VPS33B: variants seen among roughly 807,000 people sequenced by gnomAD.
VPS33B encodes the protein VPS33B late endosome and lysosome associated, also known as vacuolar protein sorting-associated protein 33B.
A neutral mutation model predicts 95.3 loss-of-function variants in VPS33B; 80 were observed. That is an observed-to-expected ratio of 0.84 (90% confidence interval 0.70 to 1.01). The LOEUF is 1.01. Among genes scored for constraint, VPS33B ranks in the 50% least tolerant of loss-of-function variants. The probability of loss-of-function intolerance (pLI) is 0.00; values close to 1 mark genes in which losing one functional copy is unlikely to be tolerated. For synonymous variants in VPS33B, 280 were observed against 280.4 expected, an observed-to-expected ratio of 1.00 and a Z score of 0.01; for missense variants, 715 against 773.4, an observed-to-expected ratio of 0.92 and a Z score of 0.90.
chr15:91,017,348 C>A, intron 2 of VPS33B, among the ~76,000 whole-genome samples: 1 of 75,948 alleles, frequency 1.3e-5, no homozygotes, highest in South Asian at 5.9e-4. Context: ...CATAACAAGA[C>A]TCCATCTCTA....
In VPS33B at chr15:91,016,285, C is replaced by T. The variant is rs376514542; in HGVS notation, c.239+678G>A. On this transcript the variant is annotated intron_variant, in intron 3 of 22. Coordinates refer to ENST00000333371, the MANE Select transcript of VPS33B (RefSeq NM_018668.5). ...ACACGAGACAAGGCTGGAAAGGTAA[C>T]GTGGGAGGCCACGCTGCAGACAGCC... Among the ~76,000 whole-genome samples, 126 of 151,736 alleles carry T rather than the reference C, an allele frequency of 8.3e-4. 1 individual carries two copies. Among genetic ancestry groups the T allele is most frequent in the African/African-American group, 2.8e-3 (115 of 41,316 alleles).
intron 16 of VPS33B, among the ~76,000 whole-genome samples, chr15:91,003,819 A>G (rs1293625746): frequency 6.6e-6 from 1 of 152,226 alleles, no homozygotes; most frequent in Non-Finnish European, 1.5e-5. Context: ...AAAGTGTTCA[A>G]ATGAGTTCCA....
At position 91,001,994 on chromosome 15, in the gene VPS33B, G is replaced by T. The variant is rs565985990; in HGVS notation, c.1405+56C>A. The T allele has an allele frequency of 5.6e-5, 91 of 1,612,122 alleles. No individual in the cohort carries two copies. In the African/African-American group the frequency reaches 1.1e-3, roughly 19 times the overall value. ...TTCTGTCCCTCCCAGCATGCTGCGTGTTGAGAGAAGTCAGGACAACAGCTG... is the reference window on the plus strand; with the variant it reads ...TTCTGTCCCTCCCAGCATGCTGCGTTTTGAGAGAAGTCAGGACAACAGCTG... On this transcript the variant is annotated intron_variant, in intron 18 of 22. Coordinates refer to ENST00000333371, the MANE Select transcript of VPS33B (RefSeq NM_018668.5).
Position 91,007,664 on chromosome 15 carries a change from G to T in VPS33B, c.499-91C>A. 1.4e-6 allele frequency: 2 copies of T among 1,414,042 alleles called. No individual in the cohort carries two copies. The highest frequency in any genetic ancestry group is 2.0e-6 in the Non-Finnish European group (2 of 1,000,862). 87.6% of individuals were successfully genotyped at this position (1,414,042 alleles called of 1,614,324 possible). ...GCCCTAGAAGCCCTGGAGCAGGGTG[G>T]CAGGGCCTGGGGGATGCTTGAAAGG... On this transcript the variant is annotated intron_variant, in intron 7 of 22. Coordinates refer to ENST00000333371, the MANE Select transcript of VPS33B (RefSeq NM_018668.5). The surrounding 1 kb of genome is among the most constrained non-coding windows in gnomAD (Gnocchi z 5.3).
In VPS33B at chr15:91,000,702, G is replaced by T; in HGVS notation, c.1480-111C>A. 1.1e-6 allele frequency: 1 copy of T among 940,546 alleles called. No homozygotes were observed. The highest frequency in any genetic ancestry group is 1.6e-6 in the Non-Finnish European group (1 of 608,252). 58.3% of individuals were successfully genotyped at this position (940,546 alleles called of 1,614,324 possible). ...GAACAATTCTTATTTCAACTAAAGGGAGAACCAGCAATAGCCCTGAAAAGA... is the reference window on the plus strand; with the variant it reads ...GAACAATTCTTATTTCAACTAAAGGTAGAACCAGCAATAGCCCTGAAAAGA... On this transcript the variant is annotated intron_variant, in intron 19 of 22. Coordinates refer to ENST00000333371, the MANE Select transcript of VPS33B (RefSeq NM_018668.5). The surrounding 1 kb of genome is among the most constrained non-coding windows in gnomAD (Gnocchi z 4.9).
At position 91,005,985 on chromosome 15, in the gene VPS33B, C is replaced by T. The variant is rs199556381; in HGVS notation, c.927G>A (p.Gln309=). The T allele has an allele frequency of 3.1e-6, 5 of 1,614,138 alleles. No homozygotes were observed. The highest frequency in any genetic ancestry group is 4.2e-6 in the Non-Finnish European group (5 of 1,180,028). ...CTTGGAGCCTCACATCATACTGGGC[C>T]TGCAAGTTCCGGGCCTTCTGGCTCA... ...GFLSQKARNL[Q]AQYDRRRGMD... The change falls in exon 12 of 23, where the codon CAG becomes CAA. Residue 309 remains glutamine (Q), a synonymous_variant. Transcript: ENST00000333371. The surrounding 1 kb of genome is among the most constrained non-coding windows in gnomAD (Gnocchi z 6.4).
At chr15:91,012,934 G>C (rs935639657) in intron 5 of VPS33B, among the ~76,000 whole-genome samples, 3 of 152,172 alleles carry the variant, frequency 2.0e-5, no homozygotes, top group African/African-American at 7.2e-5. Flanking sequence ...AGTCTCTAAG[G>C]TTCCTTTCCT....
rs1372685874 is a variant in VPS33B at position 91,008,890 on chromosome 15, A to C, written c.403+911T>G. On this transcript the variant is annotated intron_variant, in intron 6 of 22. Transcript: ENST00000333371. The stretch of plus-strand genomic sequence containing the variant: ...GAAGGCAAAAAGCTATAGGGTGGAG[A>C]ACGTTCTGGGTACCTGGAAAAGCAT... 2.0e-5 allele frequency among the ~76,000 whole-genome samples: 3 copies of C among 152,052 alleles called. No homozygotes were observed. In the East Asian group the frequency reaches 5.8e-4, roughly 29 times the overall value.
rs1243317065 is a variant in VPS33B, at chr15:91,006,634, G to A, written c.778+18C>T. On this transcript the variant is annotated intron_variant, in intron 10 of 22. Coordinates refer to ENST00000333371, the MANE Select transcript of VPS33B (RefSeq NM_018668.5). The surrounding 1 kb of genome is among the most constrained non-coding windows in gnomAD (Gnocchi z 5.4). The stretch of plus-strand genomic sequence containing the variant: ...GACCCGTCCATCTTGCCAAGATGCA[G>A]AGGACCATAGCACTTACCACACTTG... The A allele has an allele frequency of 6.2e-7, 1 of 1,614,206 alleles. No individual in the cohort carries two copies. Among genetic ancestry groups the A allele is most frequent in the South Asian group, 1.1e-5 (1 of 91,088 alleles).
At chr15:90,998,439 A>T (rs1004141584), downstream of VPS33B, 1 of 162,060 alleles carries the variant, frequency 6.2e-6, no homozygotes, top group Admixed American at 5.7e-5. The surrounding 1 kb of genome is among the most constrained non-coding windows in gnomAD (Gnocchi z 4.8). Context: ...AATGTAATGA[A>T]TCACAACATT....
chr15:91,003,521 C>A (rs35949207), intron 16 of VPS33B, among the ~76,000 whole-genome samples: 10,958 of 152,130 alleles, frequency 0.072, 517 homozygotes, highest in South Asian at 0.16. Flanking sequence ...CTCACTGCAA[C>A]CTCCGCCTCC....
chr15:91,005,146 T>G lies in VPS33B; in HGVS notation c.1106-27A>C, dbSNP rs776642856. ...TGTGAGTAATCAGAGGAGAGCCTGT[T>G]ACTGGGGGCCAGCTCAGCTGCTGCC... is the stretch of plus-strand genomic sequence containing the variant. On this transcript the variant is annotated intron_variant, in intron 14 of 22. Transcript: ENST00000333371. The surrounding 1 kb of genome is among the most constrained non-coding windows in gnomAD (Gnocchi z 6.4). 1.2e-6 allele frequency: 2 copies of G among 1,614,014 alleles called. No homozygotes were observed. The highest frequency in any genetic ancestry group is 4.5e-5 in the East Asian group (2 of 44,888).
intron 16 of VPS33B, among the ~76,000 whole-genome samples, chr15:91,004,418 C>A (rs2040538127): frequency 6.6e-6 from 1 of 152,066 alleles, no homozygotes; most frequent in Non-Finnish European, 1.5e-5. Context: ...GCAGGAGAAT[C>A]ACTTGAACCC....
In VPS33B at chr15:91,002,896, T is replaced by TA. The variant is rs1287137812; in HGVS notation, c.1272+188_1272+189insT. Among the ~76,000 whole-genome samples, 9 of 151,830 alleles carry TA rather than the reference T, an allele frequency of 5.9e-5. No individual in the cohort carries two copies. Among genetic ancestry groups the TA allele is most frequent in the Non-Finnish European group, 1.2e-4 (8 of 67,984 alleles). Reference sequence around the variant, plus strand: ...GGCCATGCGCCGTCAGTGTGTGGGGTGAAACAAGGGTAGAGGGCAGAGAGG... The same window carrying TA: ...GGCCATGCGCCGTCAGTGTGTGGGGTAGAAACAAGGGTAGAGGGCAGAGAGG... On this transcript the variant is annotated intron_variant, in intron 17 of 22. Transcript: ENST00000333371. The surrounding 1 kb of genome is among the most constrained non-coding windows in gnomAD (Gnocchi z 4.7).
Position 91,006,683 on chromosome 15 carries a change from G to T in VPS33B, c.747C>A (p.Gly249=). The change falls in exon 10 of 23, where the codon GGC becomes GGA. Residue 249 remains glycine (G), a synonymous_variant. Transcript: ENST00000333371. The surrounding 1 kb of genome is among the most constrained non-coding windows in gnomAD (Gnocchi z 5.4). The stretch of plus-strand genomic sequence containing the variant: ...TGATGCGGAAGGTGTCATCTACTAG[G>T]CCCTCATAAACCACTTGGGAGCAAA... ...TALCSQVVYE[G]LVDDTFRIKC... is the part of the protein sequence containing the mutation. 6.2e-7 allele frequency: 1 copy of T among 1,614,030 alleles called. No homozygotes were observed. The highest frequency in any genetic ancestry group is 8.5e-7 in the Non-Finnish European group (1 of 1,180,038).
chr15:91,006,160 A>T lies in VPS33B; in HGVS notation c.853-101T>A. On this transcript the variant is annotated intron_variant, in intron 11 of 22. Transcript: ENST00000333371. This position sits in a 1 kb window ranked among gnomAD's most constrained non-coding sequence, Gnocchi z 5.4. ...GGTACTCAGGTGTTCTGGCAGAAAT[A>T]CAAAGAAAGCTGAGCTGGGATCTGT... 1 of 1,428,472 alleles carries T rather than the reference A, an allele frequency of 7.0e-7. No homozygotes were observed. The highest frequency in any genetic ancestry group is 9.8e-7 in the Non-Finnish European group (1 of 1,023,654). The allele number at this position is 1,428,472 out of a possible 1,614,324, so 88.5% of individuals were successfully genotyped here.
Position 91,002,328 on chromosome 15 carries a change from G to T in VPS33B, c.1273-146C>A. 7.8e-7 allele frequency: 1 copy of T among 1,284,716 alleles called. No homozygotes were observed. 79.6% of individuals were successfully genotyped at this position (1,284,716 alleles called of 1,614,324 possible). A position where few individuals can be genotyped will look rare whatever the true frequency, so the allele number is the denominator to read the frequency against. ...TTTGTTGAGATAAATTTTCACATCA[G>T]AAATAACCAAACAGGGCTGGGAGCG... On this transcript the variant is annotated intron_variant, in intron 17 of 22. Transcript: ENST00000333371. This position sits in a 1 kb window ranked among gnomAD's most constrained non-coding sequence, Gnocchi z 4.7.
At chr15:91,021,298 T>A (rs1411147677) in intron 1 of VPS33B, among the ~76,000 whole-genome samples, 6 of 152,202 alleles carry the variant, frequency 3.9e-5, no homozygotes, top group Admixed American at 3.9e-4. Flanking sequence ...AAAATCACAG[T>A]GGCAGTATTA....
Position 91,005,839 on chromosome 15 carries a change from ACCCT to A in VPS33B, c.940-59_940-56del, listed in dbSNP as rs1452131373. 6 of 1,610,188 alleles carry A rather than the reference ACCCT, an allele frequency of 3.7e-6. No homozygotes were observed. The African/African-American group carries it at 8.0e-5, about 22-fold the overall frequency. ...CCAACCTCAGACACGAGAAACCACC[ACCCT>A]CCCTCAGTTGCCATCCATCCATGAG... On this transcript the variant is annotated intron_variant, in intron 12 of 22. Transcript: ENST00000333371. The surrounding 1 kb of genome is among the most constrained non-coding windows in gnomAD (Gnocchi z 6.4).
Sources: gnomAD v4.1 joint callset for allele counts (sites outside exome capture counted in the v4.1 genomes callset) on GRCh38, gnomAD v4.1.1 for gene constraint, Gnocchi (gnomAD v3.1) non-coding constraint, MANE v1.5 for transcripts, NCBI Gene and HGNC (gene_info 2026-07-23, HGNC 2026-07-21) for gene names.